Variants in CELA2B observed in about 807,000 individuals in gnomAD.
CELA2B encodes chymotrypsin-like elastase family member 2B.
A neutral mutation model predicts 36.5 loss-of-function variants in CELA2B; 27 were observed. The ratio of observed to expected loss-of-function variants is 0.74; its 90% CI spans 0.55 to 1.02. The LOEUF (loss-of-function observed/expected upper bound fraction) is 1.02. CELA2B is among the 50% of genes least tolerant of loss of function. The probability of loss-of-function intolerance (pLI) is 0.00; values close to 1 mark genes in which losing one functional copy is unlikely to be tolerated. For synonymous variants in CELA2B, 143 were observed against 148.5 expected (o/e 0.96, Z 0.27); for missense variants, 340 against 347.8 (o/e 0.98, Z 0.18).
chr1:15,491,366 T>G lies in CELA2B; in HGVS notation c.*54T>G. 6.3e-7 allele frequency: 1 copy of G among 1,596,462 alleles called. No homozygotes were observed. Among genetic ancestry groups the G allele is most frequent in the Middle Eastern group, 1.7e-4 (1 of 6,032 alleles). ...ACTTGGAAAGGTCACAGAAGGAAAA[T>G]AATATTATATAAAGTGACAACTATG... On this transcript the variant is annotated 3_prime_UTR_variant, in exon 8 of 8. Transcript: ENST00000375910.
At chr1:15,491,257 C>T (rs760036758) in intron 7 of CELA2B, 38 bp from the exon 8 acceptor site, 20 of 1,613,872 alleles carry the variant, frequency 1.2e-5, no homozygotes, top group South Asian at 3.3e-5. Context: ...TCTGTGGTTA[C>T]GTGAACCTGA....
In CELA2B at chr1:15,486,058, A is replaced by T. The variant is rs1708801051; in HGVS notation, c.639+12A>T. ...TATGCACCTGCAACGTGAGTACCAAAAATCAGGGGCCCCGCTCCATGACAA... is the reference window on the plus strand; with the variant it reads ...TATGCACCTGCAACGTGAGTACCAATAATCAGGGGCCCCGCTCCATGACAA... On this transcript the variant is annotated intron_variant, in intron 6 of 7. Transcript: ENST00000375910. The T allele has an allele frequency of 6.2e-7, 1 of 1,610,286 alleles. No individual in the cohort carries two copies. The highest frequency in any genetic ancestry group is 1.3e-5 in the African/African-American group (1 of 74,844).
rs537251771 is a variant in CELA2B, at chr1:15,491,295, G to A, written c.793G>A (p.Val265Met). The change falls in exon 8 of 8, where the codon GTG becomes ATG. Residue 265 changes from valine (V) to methionine (M), a missense_variant and splice_region_variant. By Grantham distance (21) the Val-to-Met change is conservative (BLOSUM62 1). Coordinates refer to ENST00000375910, the MANE Select transcript of CELA2B (RefSeq NM_015849.3). ...ATTTTCTTGTGTGTGTGTCCTGCAG[G>A]TGATTGCAAATAACTAACCAAAAGA... ...VSNYNDWINS[V>M]IANN 5.0e-6 allele frequency: 8 copies of A among 1,614,008 alleles called. No homozygotes were observed. Among genetic ancestry groups the A allele is most frequent in the Non-Finnish European group, 6.8e-6 (8 of 1,180,024 alleles).
chr1:15,483,523 G>A, intron 5 of CELA2B, 123 bp downstream of exon 5: 1 of 1,477,298 alleles, frequency 6.8e-7, no homozygotes, highest in South Asian at 1.3e-5. Flanking sequence ...GAGACAGGAT[G>A]GCATAGGCTG....
chr1:15,483,813 G>A (rs1304752843), intron 5 of CELA2B, among the ~76,000 whole-genome samples: 18 of 151,884 alleles, frequency 1.2e-4, no homozygotes, highest in East Asian at 1.9e-4. Context: ...CCTGTAGTCC[G>A]AGCTACTTGG....
At chr1:15,478,647 C>A (rs1232974456) in intron 2 of CELA2B, among the ~76,000 whole-genome samples, 2 of 151,010 alleles carry the variant, frequency 1.3e-5, no homozygotes, top group Non-Finnish European at 2.9e-5. Context: ...CTAACTGCAA[C>A]CTCAGCCTTT....
intron 5 of CELA2B, 36 bp from the exon 6 acceptor site, chr1:15,485,865 C>G (rs1213232371): frequency 2.5e-6 from 4 of 1,611,444 alleles, no homozygotes; most frequent in Non-Finnish European, 2.5e-6. Context: ...TCAGGAGTCC[C>G]TGCGTCCCTA....
At position 15,487,384 on chromosome 1, in the gene CELA2B, T is replaced by C. The variant is rs576931882; in HGVS notation, c.739T>C (p.Tyr247His). The change falls in exon 7 of 8, where the codon TAC becomes CAC. Residue 247 changes from tyrosine to histidine, a missense_variant. Transcript: ENST00000375910. ...LTSVLGCNYY[Y>H]KPSIFTRVSN... Reference sequence around the variant, plus strand: ...GTCGGTCCTTGGTTGCAACTACTACTACAAGCCCTCCATCTTCACGCGGGT... The same window carrying C: ...GTCGGTCCTTGGTTGCAACTACTACCACAAGCCCTCCATCTTCACGCGGGT... 151 of 1,614,214 alleles carry C rather than the reference T, an allele frequency of 9.4e-5. 1 individual carries two copies. The highest frequency in any genetic ancestry group is 4.5e-4 in the South Asian group (41 of 91,086).
intron 2 of CELA2B, among the ~76,000 whole-genome samples, chr1:15,478,386 G>A (rs1708698534): frequency 6.6e-6 from 1 of 151,746 alleles, no homozygotes; most frequent in Admixed American, 6.6e-5. Flanking sequence ...TGGGATTACA[G>A]GCACGCACCA....
Position 15,491,330 on chromosome 1 carries a change from G to A in CELA2B, c.*18G>A, listed in dbSNP as rs1359919862. The A allele has an allele frequency of 3.7e-6, 6 of 1,613,920 alleles. No homozygotes were observed. Among genetic ancestry groups the A allele is most frequent in the Non-Finnish European group, 5.1e-6 (6 of 1,179,964 alleles). The stretch of plus-strand genomic sequence containing the variant: ...ATAACTAACCAAAAGAAGTCCCTGG[G>A]ACTGTTTCAGACTTGGAAAGGTCAC... On this transcript the variant is annotated 3_prime_UTR_variant, in exon 8 of 8. Transcript: ENST00000375910.
At chr1:15,480,239 G>A (rs891044702) in intron 2 of CELA2B, among the ~76,000 whole-genome samples, 5 of 152,018 alleles carry the variant, frequency 3.3e-5, no homozygotes, top group African/African-American at 9.7e-5. Context: ...CTGTGGAGAC[G>A]GCCTCACTCT....
intron 4 of CELA2B, 117 bp downstream of exon 4, chr1:15,482,510 A>G: frequency 1.4e-6 from 2 of 1,419,738 alleles, no homozygotes; most frequent in Non-Finnish European, 1.9e-6. Context: ...TAGGGAAGAG[A>G]AAGGAGCTCT....
Position 15,487,301 on chromosome 1 carries a change from C to T in CELA2B, c.656C>T (p.Pro219Leu), listed in dbSNP as rs756695767. The T allele has an allele frequency of 3.7e-6, 6 of 1,614,068 alleles. No homozygotes were observed. Among genetic ancestry groups the T allele is most frequent in the South Asian group, 2.2e-5 (2 of 91,088 alleles). The change falls in exon 7 of 8, where the codon CCG (proline) becomes CTG (leucine). Residue 219 changes from proline (P) to leucine (L), a missense_variant. Pro to Leu is a moderately conservative substitution (Grantham distance 98, BLOSUM62 -3). Transcript: ENST00000375910. Reference protein sequence around the residue: ...ICTCNGDSGGPLNCQASDGRW... With the variant: ...ICTCNGDSGGLLNCQASDGRW... Reference sequence around the variant, plus strand: ...CTTCCTCAGGGAGACTCCGGTGGGCCGCTGAACTGTCAGGCATCTGACGGC... The same window carrying T: ...CTTCCTCAGGGAGACTCCGGTGGGCTGCTGAACTGTCAGGCATCTGACGGC...
At chr1:15,484,973 C>G (rs2103314316) in intron 5 of CELA2B, among the ~76,000 whole-genome samples, 1 of 152,052 alleles carries the variant, frequency 6.6e-6, no homozygotes, top group Admixed American at 6.5e-5. Flanking sequence ...TCTCTGCTCA[C>G]TGCAACCTCT....
At chr1:15,480,567 G>A (rs572435237) in intron 2 of CELA2B, among the ~76,000 whole-genome samples, 5 of 152,252 alleles carry the variant, frequency 3.3e-5, no homozygotes, top group African/African-American at 7.2e-5. Flanking sequence ...TTCTTCACAC[G>A]GTGGCAGCAG....
chr1:15,478,284 C>T (rs1570806649), intron 2 of CELA2B, among the ~76,000 whole-genome samples: 1 of 151,688 alleles, frequency 6.6e-6, no homozygotes, highest in East Asian at 1.9e-4. Context: ...GCTCTTGTTG[C>T]CCAGGCTGGA....
In CELA2B at chr1:15,485,937, A is replaced by G. The variant is rs6429745; in HGVS notation, c.530A>G (p.Gln177Arg). 1,612,447 of 1,614,190 alleles carry G rather than the reference A, an allele frequency of 1. 805,368 individuals carry two copies. The highest frequency in any genetic ancestry group is 1 in the Non-Finnish European group (1,179,960 of 1,180,038). The change falls in exon 6 of 8, where the codon CAG becomes CGG. Residue 177 changes from glutamine (Q) to arginine (R), a missense_variant. Gln to Arg is a conservative substitution (Grantham distance 43). Coordinates refer to ENST00000375910, the MANE Select transcript of CELA2B (RefSeq NM_015849.3). ...GALPDDLKQG[Q>R]LLVVDYATCS... ...CTCCCTGATGACCTGAAGCAGGGCCAGTTGCTGGTTGTGGACTATGCCACC... is the reference window on the plus strand; with the variant it reads ...CTCCCTGATGACCTGAAGCAGGGCCGGTTGCTGGTTGTGGACTATGCCACC...
At chr1:15,479,806 T>A (rs1444821332) in intron 2 of CELA2B, among the ~76,000 whole-genome samples, 1 of 152,104 alleles carries the variant, frequency 6.6e-6, no homozygotes, top group Non-Finnish European at 1.5e-5. Context: ...GCTACGCCGA[T>A]ATTTGCAAGA....
In CELA2B at chr1:15,476,251, A is replaced by G. The variant is rs1325024911; in HGVS notation, c.40+86A>G. On this transcript the variant is annotated intron_variant, in intron 1 of 7. Coordinates refer to ENST00000375910, the MANE Select transcript of CELA2B (RefSeq NM_015849.3). Reference sequence around the variant, plus strand: ...CTTCCTGTCCTCCCCTCTCGCCCCCACCCAACCCCTACTGCATTCAGACCT... The same window carrying G: ...CTTCCTGTCCTCCCCTCTCGCCCCCGCCCAACCCCTACTGCATTCAGACCT... The G allele has an allele frequency of 1.9e-6, 3 of 1,577,182 alleles. No individual in the cohort carries two copies. The East Asian group carries it at 6.7e-5, about 35-fold the overall frequency.
Sources: gnomAD v4.1 joint callset for allele counts (sites outside exome capture counted in the v4.1 genomes callset) on GRCh38, gnomAD v4.1.1 for gene constraint, MANE v1.5 for transcripts, NCBI Gene and HGNC (gene_info 2026-07-23, HGNC 2026-07-21) for gene names.